The following THOP1 variants were observed in gnomAD, a reference collection of about 807,000 sequenced individuals.
THOP1 encodes the protein thimet oligopeptidase.
A neutral mutation model predicts 71.8 loss-of-function variants in THOP1; 49 were observed. That is an observed-to-expected ratio of 0.68 (90% CI 0.54 to 0.87). The LOEUF (loss-of-function observed/expected upper bound fraction) is 0.87, where lower values mean the gene tolerates loss of function less well. Ranked by LOEUF, THOP1 falls within the 40% of genes least tolerant of loss-of-function variation. The pLI is 0.00. For synonymous variants in THOP1, 426 were observed against 421.5 expected, an observed-to-expected ratio of 1.01 and a Z score of -0.13; for missense variants, 843 against 975.6, an observed-to-expected ratio of 0.86 and a Z score of 1.81.
chr19:2,814,183 C>T lies in THOP1; in HGVS notation c.*907C>T, dbSNP rs941408. The stretch of plus-strand genomic sequence containing the variant: ...GTGGGCAACATGGCAAAGTCTTGAT[C>T]GGGGGTGCAGGGTCGGGGGGGCGCT... On this transcript the variant is annotated 3_prime_UTR_variant, in exon 13 of 13. Transcript: ENST00000307741. 43,025 of 152,994 alleles carry T rather than the reference C, an allele frequency of 0.28. 6,414 individuals carry two copies. The highest frequency in any genetic ancestry group is 0.48 in the East Asian group (2,476 of 5,196). 9.5% of individuals were successfully genotyped at this position (152,994 alleles called of 1,614,324 possible). A position where few individuals can be genotyped will look rare whatever the true frequency, so the allele number is the denominator to read the frequency against.
chr19:2,811,998 T>C, intron 12 of THOP1: 2 of 1,020,100 alleles, frequency 2.0e-6, no homozygotes, highest in Non-Finnish European at 2.7e-6. Flanking sequence ...GGTGCGGTGC[T>C]GCCCACAGCT....
intron 9 of THOP1, chr19:2,810,036 C>T: frequency 3.8e-6 from 2 of 531,088 alleles, no homozygotes; most frequent in Non-Finnish European, 6.7e-6. Flanking sequence ...AGCAGCAGCT[C>T]TGTGGCTAGA....
At chr19:2,789,662 C>T (rs1018290222) in intron 1 of THOP1, among the ~76,000 whole-genome samples, 4 of 152,186 alleles carry the variant, frequency 2.6e-5, no homozygotes, top group African/African-American at 4.8e-5. Flanking sequence ...TTGAGCAGTG[C>T]GTGGGTGGTC....
At position 2,811,461 on chromosome 19, in the gene THOP1, G is replaced by C. The variant is rs1428103287; in HGVS notation, c.1772-137G>C. The C allele has an allele frequency of 5.0e-6, 6 of 1,207,492 alleles. No individual in the cohort carries two copies. In the East Asian group the frequency reaches 1.6e-4, roughly 33 times the overall value. 74.8% of individuals were successfully genotyped at this position (1,207,492 alleles called of 1,614,324 possible). A position where few individuals can be genotyped will look rare whatever the true frequency, so the allele number is the denominator to read the frequency against. On this transcript the variant is annotated intron_variant, in intron 11 of 12. Coordinates refer to ENST00000307741, the MANE Select transcript of THOP1 (RefSeq NM_003249.5). ...CTCTGGTTCTAGAAGTATCCAGCTGGTCTCGGCCCTCACCGTGATCCTCCA... is the reference window on the plus strand; with the variant it reads ...CTCTGGTTCTAGAAGTATCCAGCTGCTCTCGGCCCTCACCGTGATCCTCCA...
chr19:2,794,749 T>C lies in THOP1; in HGVS notation c.230-15T>C. The C allele has an allele frequency of 6.2e-7, 1 of 1,602,532 alleles. No individual in the cohort carries two copies. The highest frequency in any genetic ancestry group is 8.5e-7 in the Non-Finnish European group (1 of 1,170,304). On this transcript the variant is annotated splice_polypyrimidine_tract_variant and intron_variant, in intron 2 of 12. Transcript: ENST00000307741. ...CCTGTTCTCACACCTGTCTCCCTGG[T>C]CTCCCCTGTTTTAGTTCAGAGGAAT... is the stretch of plus-strand genomic sequence containing the variant.
At chr19:2,813,068 T>C in intron 12 of THOP1, 47 bp from the exon 13 acceptor site, 1 of 1,557,416 alleles carries the variant, frequency 6.4e-7, no homozygotes, top group Non-Finnish European at 8.7e-7. Flanking sequence ...TCCTCTGCCT[T>C]CCTCCCTGGG....
intron 1 of THOP1, chr19:2,789,929 A>AT: frequency 6.3e-6 from 1 of 159,332 alleles, no homozygotes; most frequent in Non-Finnish European, 1.4e-5. Context: ...TAATTTTTGT[A>AT]TTTTTGGTAC....
chr19:2,787,645 G>T (rs1384715767), intron 1 of THOP1, among the ~76,000 whole-genome samples: 23 of 152,224 alleles, frequency 1.5e-4, no homozygotes. Flanking sequence ...GCCAGAAAAT[G>T]ACCTCAACTG....
intron 2 of THOP1, among the ~76,000 whole-genome samples, chr19:2,792,064 C>T (rs1599519778): frequency 6.6e-6 from 1 of 152,370 alleles, no homozygotes; most frequent in East Asian, 1.9e-4. Flanking sequence ...CTCCTCCTGT[C>T]CCCATGCCAG....
chr19:2,803,996 C>T (rs1916224071), intron 5 of THOP1, among the ~76,000 whole-genome samples: 1 of 151,366 alleles, frequency 6.6e-6, no homozygotes, highest in Non-Finnish European at 1.5e-5. Context: ...GGCGTGAGCT[C>T]CCGATCGTTC....
rs1568323506 is a variant in THOP1, at chr19:2,804,212, G to A, written c.590-804G>A. 1.3e-5 allele frequency among the ~76,000 whole-genome samples: 2 copies of A among 152,240 alleles called. No homozygotes were observed. The highest frequency in any genetic ancestry group is 2.9e-5 in the Non-Finnish European group (2 of 68,034). ...AGCCATGAGGTAGGAACCCCAGAGGGTTTCAGTCCGGGATGCTGCCGCCCC... is the reference window on the plus strand; with the variant it reads ...AGCCATGAGGTAGGAACCCCAGAGGATTTCAGTCCGGGATGCTGCCGCCCC... On this transcript the variant is annotated intron_variant, in intron 5 of 12. Transcript: ENST00000307741. The surrounding 1 kb of genome is among the most constrained non-coding windows in gnomAD (Gnocchi z 4.7).
chr19:2,808,594 C>G (rs1916376129), intron 9 of THOP1, 150 bp downstream of exon 9: 2 of 899,798 alleles, frequency 2.2e-6, no homozygotes, highest in Non-Finnish European at 3.3e-6. Context: ...GATGGTGACT[C>G]CCTGTCATGC....
chr19:2,807,300 C>A, intron 7 of THOP1, 142 bp from the exon 8 acceptor site: 1 of 1,354,096 alleles, frequency 7.4e-7, no homozygotes, highest in Non-Finnish European at 9.7e-7. Flanking sequence ...TGAGGATGCT[C>A]GGCCCCTCGA....
chr19:2,808,801 A>G (rs538046699), intron 9 of THOP1, among the ~76,000 whole-genome samples: 1 of 152,218 alleles, frequency 6.6e-6, no homozygotes, highest in East Asian at 1.9e-4. Flanking sequence ...GTGGGTCCCC[A>G]TCTCGTCTTC....
At chr19:2,798,084 A>C (rs952593635) in intron 4 of THOP1, among the ~76,000 whole-genome samples, 1 of 152,190 alleles carries the variant, frequency 6.6e-6, no homozygotes, top group Non-Finnish European at 1.5e-5. Context: ...GCTGGAGTGC[A>C]ACGGTGTGAT....
rs753690244 is a variant in THOP1 at position 2,813,110 on chromosome 19, G to T, written c.1909-5G>T. 3.7e-6 allele frequency: 6 copies of T among 1,606,706 alleles called. No individual in the cohort carries two copies. The African/African-American group carries it at 6.7e-5, about 18-fold the overall frequency. ...CCCGGCCACAGTGCCCTGTCTCCTC[G>T]GCAGGTTGGCATGGATTACAGAAGC... On this transcript the variant is annotated splice_polypyrimidine_tract_variant and splice_region_variant and intron_variant, in intron 12 of 12. Transcript: ENST00000307741.
Position 2,804,796 on chromosome 19 carries a change from G to T in THOP1, c.590-220G>T. The T allele has an allele frequency of 1.9e-6, 1 of 527,924 alleles. No homozygotes were observed. Among genetic ancestry groups the T allele is most frequent in the South Asian group, 2.4e-5 (1 of 40,914 alleles). 32.7% of individuals were successfully genotyped at this position (527,924 alleles called of 1,614,324 possible). A position where few individuals can be genotyped will look rare whatever the true frequency, so the allele number is the denominator to read the frequency against. ...TTAGAGGCGGGACGTGAGAAACGTG[G>T]CAGGTGGTGGCCAGGCTGTGGGGGA... On this transcript the variant is annotated intron_variant, in intron 5 of 12. Coordinates refer to ENST00000307741, the MANE Select transcript of THOP1 (RefSeq NM_003249.5). This position sits in a 1 kb window ranked among gnomAD's most constrained non-coding sequence, Gnocchi z 4.7.
rs1169841499 is a variant in THOP1, at chr19:2,799,791, G to A, written c.589G>A (p.Gly197Arg). ...CCTGCCCTTCACGCTCCAGGAGCTA[G>A]GTAGGGGCCGAGCAGTGGGGCACGG... Reference protein sequence around the residue: ...TFLPFTLQELGGLPEDFLNSL... With the variant: ...TFLPFTLQELRGLPEDFLNSL... The change falls in exon 5 of 13, where the codon GGA (glycine) becomes AGA (arginine). Residue 197 changes from glycine to arginine, a missense_variant and splice_region_variant. Transcript: ENST00000307741. 6 of 1,613,346 alleles carry A rather than the reference G, an allele frequency of 3.7e-6. No homozygotes were observed. The African/African-American group carries it at 4.0e-5, about 11-fold the overall frequency.
intron 12 of THOP1, chr19:2,812,358 C>T: frequency 6.6e-7 from 1 of 1,524,278 alleles, no homozygotes; most frequent in Non-Finnish European, 8.8e-7. Context: ...CAACATTGCA[C>T]TGGGCAGCCT....
Sources: gnomAD v4.1 joint callset for allele counts (sites outside exome capture counted in the v4.1 genomes callset) on GRCh38, gnomAD v4.1.1 for gene constraint, Gnocchi (gnomAD v3.1) non-coding constraint, MANE v1.5 for transcripts, NCBI Gene and HGNC (gene_info 2026-07-23, HGNC 2026-07-21) for gene names.